ADAM22: variants seen among roughly 807,000 people sequenced by gnomAD.
The protein encoded by ADAM22 is disintegrin and metalloproteinase domain-containing protein 22.
A neutral mutation model predicts 144.6 loss-of-function variants in ADAM22; 65 were observed. The ratio of observed to expected loss-of-function variants is 0.45; its 90% CI spans 0.37 to 0.55. The LOEUF is 0.55. Among genes scored for constraint, ADAM22 ranks in the 20% least tolerant of loss-of-function variants. ADAM22 has a pLI of 0.00. For missense variants in ADAM22, 974 were observed against 1,184.9 expected, an observed-to-expected ratio of 0.82 and a Z score of 2.61; for synonymous variants, 391 against 412.6, an observed-to-expected ratio of 0.95 and a Z score of 0.63.
Position 88,151,098 on chromosome 7 carries a change from T to C in ADAM22, c.1617+67T>C, listed in dbSNP as rs1362255518. The C allele has an allele frequency of 5.1e-6, 8 of 1,556,022 alleles. No individual in the cohort carries two copies. In the Admixed American group the frequency reaches 1.2e-4, roughly 23 times the overall value. On this transcript the variant is annotated intron_variant, in intron 19 of 31. Transcript: ENST00000413139. The stretch of plus-strand genomic sequence containing the variant: ...GCATGAAAGGAATACTGAAATCTTA[T>C]CAAAATAGGAAGATCAATTTAAATG...
intron 7 of ADAM22, among the ~76,000 whole-genome samples, chr7:88,119,704 G>A (rs948533501): frequency 2.6e-5 from 4 of 152,172 alleles, no homozygotes; most frequent in Admixed American, 1.3e-4. Context: ...GGTCAGGCTG[G>A]TCTCAAATTC....
intron 5 of ADAM22, among the ~76,000 whole-genome samples, chr7:88,109,047 T>C (rs1825304871): frequency 1.3e-5 from 2 of 152,168 alleles, no homozygotes; most frequent in African/African-American, 4.8e-5. Flanking sequence ...TATATTAGTT[T>C]TTATATTTTT....
intron 2 of ADAM22, among the ~76,000 whole-genome samples, chr7:87,936,280 T>C (rs562659867): frequency 5.7e-4 from 86 of 151,848 alleles, no homozygotes; most frequent in African/African-American, 2.0e-3. Context: ...TCAAAGATTA[T>C]TTTAGTAGAA....
In ADAM22 at chr7:87,966,731, T is replaced by C. The variant is rs932170425; in HGVS notation, c.247-11605T>C. On this transcript the variant is annotated intron_variant, in intron 2 of 31. Coordinates refer to ENST00000413139, the MANE Select transcript of ADAM22 (RefSeq NM_001324418.2). ...TATCCAAGGAAAGCCGTTTTTTTTT[T>C]TTTTTTTTTTTTTTTTTTTTTGTGG... Among the ~76,000 whole-genome samples, 148 of 128,522 alleles carry C rather than the reference T, an allele frequency of 1.2e-3. 3 individuals carry two copies. The highest frequency in any genetic ancestry group is 4.1e-3 in the African/African-American group (136 of 33,512). 84.3% of individuals were successfully genotyped at this position (128,522 alleles called of 152,430 possible).
chr7:88,113,695 AATAAATAAATATATATATATATAT>A (rs1826745586), intron 5 of ADAM22, among the ~76,000 whole-genome samples: 2 of 52,242 alleles, frequency 3.8e-5, no homozygotes, highest in Non-Finnish European at 6.7e-5. Flanking sequence ...ATTATAAATA[AATAAATAAATATATATATATATAT>A]ATATATATAT....
At chr7:88,068,746 A>G (rs960752219) in intron 3 of ADAM22, among the ~76,000 whole-genome samples, 2 of 152,270 alleles carry the variant, frequency 1.3e-5, no homozygotes, top group East Asian at 3.9e-4. Context: ...AATTGGTGTC[A>G]GTGTTGGCTT....
Position 88,178,561 on chromosome 7 carries a change from A to G in ADAM22, c.2301-374A>G, listed in dbSNP as rs186520515. Reference sequence around the variant, plus strand: ...ATTCACCACAAAGAAAAAGAAAGCTATGCTTAATCTGGGTAGGGACTATCT... The same window carrying G: ...ATTCACCACAAAGAAAAAGAAAGCTGTGCTTAATCTGGGTAGGGACTATCT... On this transcript the variant is annotated intron_variant, in intron 26 of 31. Transcript: ENST00000413139. 1.4e-4 allele frequency among the ~76,000 whole-genome samples: 21 copies of G among 152,262 alleles called. No homozygotes were observed. In the East Asian group the frequency reaches 3.9e-3, roughly 28 times the overall value.
chr7:88,078,818 G>A (rs1161982911), intron 4 of ADAM22, among the ~76,000 whole-genome samples: 2 of 152,080 alleles, frequency 1.3e-5, no homozygotes, highest in Non-Finnish European at 2.9e-5. Flanking sequence ...AAAGAAATGA[G>A]CAAAGCCTCC....
intron 3 of ADAM22, among the ~76,000 whole-genome samples, chr7:88,000,468 G>A (rs2129456001): frequency 6.6e-6 from 1 of 151,980 alleles, no homozygotes; most frequent in African/African-American, 2.4e-5. Flanking sequence ...TAAAAAAACT[G>A]GAATAGGCAT....
intron 3 of ADAM22, among the ~76,000 whole-genome samples, chr7:88,008,007 A>G (rs1185448541): frequency 6.6e-6 from 1 of 152,228 alleles, no homozygotes; most frequent in Non-Finnish European, 1.5e-5. Flanking sequence ...TCATCTGACA[A>G]AGGGCTAATA....
At chr7:87,977,326 C>T (rs1852143440) in intron 2 of ADAM22, among the ~76,000 whole-genome samples, 1 of 152,156 alleles carries the variant, frequency 6.6e-6, no homozygotes, top group Non-Finnish European at 1.5e-5. Context: ...ACCTGTGGCC[C>T]CACAGAATCC....
At chr7:88,127,284 G>A (rs1009925183) in intron 8 of ADAM22, among the ~76,000 whole-genome samples, 1 of 151,912 alleles carries the variant, frequency 6.6e-6, no homozygotes, top group East Asian at 1.9e-4. Context: ...CATTTGCTAA[G>A]TAGACAAAAC....
intron 3 of ADAM22, among the ~76,000 whole-genome samples, chr7:87,979,223 C>T (rs146593243): frequency 4.7e-4 from 71 of 152,120 alleles, no homozygotes; most frequent in African/African-American, 1.6e-3. Flanking sequence ...AGAATTAGAG[C>T]CTGAGTTGTC....
chr7:88,133,751 C>G (rs1295064030), intron 12 of ADAM22, among the ~76,000 whole-genome samples: 1 of 152,266 alleles, frequency 6.6e-6, no homozygotes, highest in East Asian at 1.9e-4. Flanking sequence ...TCCTAAGGCA[C>G]TAAACCTACT....
rs1460558607 is a variant in ADAM22 at position 88,071,773 on chromosome 7, AC to A, written c.324-3852del. 3.9e-5 allele frequency among the ~76,000 whole-genome samples: 6 copies of A among 152,246 alleles called. No homozygotes were observed. In the East Asian group the frequency reaches 1.2e-3, roughly 29 times the overall value. ...TAGAAATTGGTTGAAAATGATTTTTACTTTTATATTTCAAAGTTCACAAACA... is the reference window on the plus strand; with the variant it reads ...TAGAAATTGGTTGAAAATGATTTTTATTTTATATTTCAAAGTTCACAAACA... On this transcript the variant is annotated intron_variant, in intron 3 of 31. Coordinates refer to ENST00000413139, the MANE Select transcript of ADAM22 (RefSeq NM_001324418.2).
At chr7:88,086,044 C>T (rs757774587) in intron 4 of ADAM22, among the ~76,000 whole-genome samples, 19 of 152,098 alleles carry the variant, frequency 1.2e-4, no homozygotes, top group Admixed American at 2.6e-4. Flanking sequence ...GGCGTGGTGG[C>T]ATGCACCTGT....
At chr7:88,147,481 C>T (rs1344921486) in intron 17 of ADAM22, among the ~76,000 whole-genome samples, 2 of 152,212 alleles carry the variant, frequency 1.3e-5, no homozygotes, top group African/African-American at 4.8e-5. Context: ...CCTTTGAAAG[C>T]AGCCTTTGAA....
At chr7:88,171,482 T>C in intron 25 of ADAM22, 62 bp from the exon 26 acceptor site, 4 of 1,440,530 alleles carry the variant, frequency 2.8e-6, no homozygotes, top group Non-Finnish European at 3.8e-6. Flanking sequence ...TCCCTCTTGA[T>C]GTCCTTCCAG....
intron 3 of ADAM22, among the ~76,000 whole-genome samples, chr7:88,040,196 A>G (rs944477687): frequency 6.6e-6 from 1 of 151,878 alleles, no homozygotes; most frequent in African/African-American, 2.4e-5. Context: ...CAGTGGTACA[A>G]TCTTGGCTCA....
Sources: gnomAD v4.1 joint callset for allele counts (sites outside exome capture counted in the v4.1 genomes callset) on GRCh38, gnomAD v4.1.1 for gene constraint, MANE v1.5 for transcripts, NCBI Gene and HGNC (gene_info 2026-07-23, HGNC 2026-07-21) for gene names.